EFNA5: variants seen among roughly 807,000 people sequenced by gnomAD.
The protein encoded by EFNA5 is ephrin-A5.
EFNA5 carries 5 observed loss-of-function variants against 22.9 expected under a neutral mutation model. That is an observed-to-expected ratio of 0.22 (90% CI 0.11 to 0.46). The LOEUF (loss-of-function observed/expected upper bound fraction) is 0.46, where lower values mean the gene tolerates loss of function less well. EFNA5 is among the 20% of genes least tolerant of loss of function. The pLI is 0.99. For synonymous variants in EFNA5, 113 were observed against 112.2 expected (o/e 1.01, Z -0.04); for missense variants, 237 against 293.3 (o/e 0.81, Z 1.40).
intron 1 of EFNA5, among the ~76,000 whole-genome samples, chr5:107,623,887 T>A (rs2112530893): frequency 6.6e-6 from 1 of 152,254 alleles, no homozygotes; most frequent in African/African-American, 2.4e-5. Context: ...AGGGCTGTAT[T>A]GTTTCTAAGT....
At chr5:107,659,789 A>C (rs1264516733) in intron 1 of EFNA5, among the ~76,000 whole-genome samples, 1 of 152,088 alleles carries the variant, frequency 6.6e-6, no homozygotes, top group Non-Finnish European at 1.5e-5. Context: ...AGATATTCAG[A>C]CTCACAGATA....
At chr5:107,477,766 A>AT (rs1274932726) in intron 1 of EFNA5, among the ~76,000 whole-genome samples, 3 of 152,034 alleles carry the variant, frequency 2.0e-5, no homozygotes, top group African/African-American at 4.8e-5. Flanking sequence ...ACAATATATT[A>AT]TTTTTTTTAA....
At chr5:107,618,285 A>G (rs914986973) in intron 1 of EFNA5, among the ~76,000 whole-genome samples, 9 of 152,260 alleles carry the variant, frequency 5.9e-5, no homozygotes, top group Non-Finnish European at 8.8e-5. Flanking sequence ...GTTACTTGAT[A>G]ATAGTAAAAA....
At chr5:107,419,149 AG>A (rs1441543521) in intron 2 of EFNA5, among the ~76,000 whole-genome samples, 2 of 152,202 alleles carry the variant, frequency 1.3e-5, no homozygotes, top group South Asian at 4.1e-4. Flanking sequence ...GAAGGTTAAG[AG>A]GGCACCTGGC....
Position 107,670,652 on chromosome 5 carries a change from C to G in EFNA5, c.-39G>C. 2 of 1,590,084 alleles carry G rather than the reference C, an allele frequency of 1.3e-6. No individual in the cohort carries two copies. The highest frequency in any genetic ancestry group is 2.7e-5 in the African/African-American group (2 of 74,092). ...CGGCGGAGCCCCCGACGCGCCACTC[C>G]GGGGAGAGAGCGGGGATCCGGAGGG... On this transcript the variant is annotated 5_prime_UTR_variant, in exon 1 of 5. Coordinates refer to ENST00000333274, the MANE Select transcript of EFNA5 (RefSeq NM_001962.3).
intron 1 of EFNA5, among the ~76,000 whole-genome samples, chr5:107,644,752 A>G (rs1309401034): frequency 6.6e-6 from 1 of 152,064 alleles, no homozygotes; most frequent in African/African-American, 2.4e-5. Flanking sequence ...CCCAGTTTGG[A>G]GTGCAATGGT....
intron 1 of EFNA5, among the ~76,000 whole-genome samples, chr5:107,658,915 C>T (rs969054533): frequency 6.6e-6 from 1 of 152,198 alleles, no homozygotes; most frequent in African/African-American, 2.4e-5. Flanking sequence ...ATGCTGTTTA[C>T]TGCAGTATCT....
intron 1 of EFNA5, among the ~76,000 whole-genome samples, chr5:107,619,065 G>A (rs1284044956): frequency 6.6e-6 from 1 of 151,962 alleles, no homozygotes; most frequent in African/African-American, 2.4e-5. Flanking sequence ...GGGACTACAG[G>A]CACCTGACAC....
At chr5:107,442,929 T>TA (rs544741414) in intron 1 of EFNA5, among the ~76,000 whole-genome samples, 4,226 of 82,120 alleles carry the variant, frequency 0.051, 180 homozygotes, top group African/African-American at 0.11. Flanking sequence ...CCCCAGGTAC[T>TA]AAAAAAAAAA....
At chr5:107,482,662 C>A (rs1170293999) in intron 1 of EFNA5, among the ~76,000 whole-genome samples, 3 of 152,052 alleles carry the variant, frequency 2.0e-5, no homozygotes, top group South Asian at 4.2e-4. Flanking sequence ...CCTGTGATGG[C>A]AGAAAATTAA....
chr5:107,436,956 T>C (rs1234293520), intron 1 of EFNA5, among the ~76,000 whole-genome samples: 1 of 152,060 alleles, frequency 6.6e-6, no homozygotes, highest in Non-Finnish European at 1.5e-5. Flanking sequence ...AAATCTCCTT[T>C]TTATTGACCA....
chr5:107,581,054 C>T (rs1225400519), intron 1 of EFNA5, among the ~76,000 whole-genome samples: 2 of 152,116 alleles, frequency 1.3e-5, no homozygotes, highest in Admixed American at 6.5e-5. Flanking sequence ...TGTGTGTGTA[C>T]AAAATATATG....
At chr5:107,508,972 G>C (rs183964102) in intron 1 of EFNA5, among the ~76,000 whole-genome samples, 1 of 152,060 alleles carries the variant, frequency 6.6e-6, no homozygotes, top group African/African-American at 2.4e-5. Context: ...ATAGTTCCTC[G>C]ATTAAATGGA....
At chr5:107,551,023 C>T (rs1004514034) in intron 1 of EFNA5, among the ~76,000 whole-genome samples, 2 of 152,208 alleles carry the variant, frequency 1.3e-5, no homozygotes, top group Non-Finnish European at 2.9e-5. Flanking sequence ...AATAATATCA[C>T]ATAAACTTTA....
chr5:107,485,117 A>G (rs1436392727), intron 1 of EFNA5, among the ~76,000 whole-genome samples: 2 of 152,160 alleles, frequency 1.3e-5, no homozygotes, highest in East Asian at 3.9e-4. Context: ...ATCTAAGAGG[A>G]GGGTTTGAAT....
intron 1 of EFNA5, among the ~76,000 whole-genome samples, chr5:107,512,008 A>G (rs774976308): frequency 6.6e-6 from 1 of 152,224 alleles, no homozygotes; most frequent in African/African-American, 2.4e-5. Context: ...AACACCCAAA[A>G]GGTGCATTTT....
chr5:107,410,128 C>G (rs576818090), intron 2 of EFNA5, among the ~76,000 whole-genome samples: 210 of 151,276 alleles, frequency 1.4e-3, no homozygotes, highest in Non-Finnish European at 2.4e-3. Context: ...CCCGGGTTCA[C>G]ACCATTCTCC....
intron 1 of EFNA5, among the ~76,000 whole-genome samples, chr5:107,627,231 A>G (rs1750161047): frequency 6.6e-6 from 1 of 152,192 alleles, no homozygotes; most frequent in Non-Finnish European, 1.5e-5. Flanking sequence ...AGCTCTCTTC[A>G]TCCCAACAAA....
chr5:107,571,322 C>T (rs1383530649), intron 1 of EFNA5, among the ~76,000 whole-genome samples: 1 of 152,152 alleles, frequency 6.6e-6, no homozygotes, highest in East Asian at 1.9e-4. Flanking sequence ...CAAGAAAAGG[C>T]TCCCAGTCAT....
Sources: allele counts gnomAD v4.1 joint callset (sites outside exome capture counted in the v4.1 genomes callset), GRCh38; gene constraint gnomAD v4.1.1; transcripts MANE v1.5; gene names NCBI Gene and HGNC (gene_info 2026-07-23, HGNC 2026-07-21).